Variants in USP40 observed in about 807,000 individuals in gnomAD.
USP40 encodes the protein ubiquitin specific peptidase 40, also known as ubiquitin carboxyl-terminal hydrolase 40.
A neutral mutation model predicts 166.2 loss-of-function variants in USP40; 143 were observed. The ratio of observed to expected loss-of-function variants is 0.86; its 90% CI spans 0.75 to 0.99. USP40 has a LOEUF of 0.99. Among genes scored for constraint, USP40 ranks in the 50% least tolerant of loss-of-function variants. The probability of loss-of-function intolerance (pLI) is 0.00; values close to 1 mark genes in which losing one functional copy is unlikely to be tolerated. For missense variants in USP40, 1,444 were observed against 1,479.7 expected (o/e 0.98, Z 0.40); for synonymous variants, 498 against 524.0 (o/e 0.95, Z 0.68).
intron 31 of USP40, among the ~76,000 whole-genome samples, chr2:233,479,524 C>T (rs895696865): frequency 6.6e-6 from 1 of 150,760 alleles, no homozygotes; most frequent in African/African-American, 2.5e-5. Context: ...GATCGTGCCA[C>T]TGCACTCCAG....
Position 233,549,145 on chromosome 2 carries a change from C to T in USP40, c.922G>A (p.Val308Ile). ...KGGCYGGHYH[V>I]YIKDVDHLGN... The stretch of plus-strand genomic sequence containing the variant: ...AAATGATCAACATCTTTAATATATA[C>T]ATGGTAATGGCCTCCGTAGCAGCCA... Residue 308 changes from valine to isoleucine, a missense_variant, in exon 8 of 32, where the codon GTA becomes ATA. Transcript: ENST00000678225. 6.2e-7 allele frequency: 1 copy of T among 1,602,450 alleles called. No homozygotes were observed. The highest frequency in any genetic ancestry group is 8.5e-7 in the Non-Finnish European group (1 of 1,173,580).
At chr2:233,521,787 C>T (rs1203807828) in intron 16 of USP40, among the ~76,000 whole-genome samples, 1 of 152,126 alleles carries the variant, frequency 6.6e-6, no homozygotes, top group Non-Finnish European at 1.5e-5. Flanking sequence ...CTACCTTAAG[C>T]TAGCAATCCC....
chr2:233,562,646 C>T, intron 3 of USP40, 90 bp downstream of exon 3: 2 of 944,642 alleles, frequency 2.1e-6, no homozygotes, highest in Non-Finnish European at 2.9e-6. Flanking sequence ...AGCGCACCAG[C>T]ATGGCACATG....
At chr2:233,498,994 C>T (rs998070564) in intron 22 of USP40, among the ~76,000 whole-genome samples, 23 of 152,042 alleles carry the variant, frequency 1.5e-4, no homozygotes, top group African/African-American at 2.7e-4. Flanking sequence ...TACATCTTAG[C>T]GTTCTTTTTA....
rs2065479607 is a variant in USP40, at chr2:233,493,480, G to C, written c.2862C>G (p.Asp954Glu). 1.2e-6 allele frequency: 2 copies of C among 1,613,922 alleles called. No individual in the cohort carries two copies. The highest frequency in any genetic ancestry group is 1.7e-6 in the Non-Finnish European group (2 of 1,179,864). Residue 954 changes from aspartate (D) to glutamate (E), a missense_variant, in exon 25 of 32, where the codon GAC becomes GAG. Coordinates refer to ENST00000678225, the MANE Select transcript of USP40 (RefSeq NM_001365479.2). This position sits in a 1 kb window ranked among gnomAD's most constrained non-coding sequence, Gnocchi z 4.7. ...GPSGHWESHQ[D>E]QTNCTSSWGR... is the part of the protein sequence containing the mutation. ...CCCAAGACGAAGTACAGTTGGTCTG[G>C]TCCTGATGACTCTCCCAGTGTCCTG... is the stretch of plus-strand genomic sequence containing the variant.
At chr2:233,522,551 A>G (rs2067730125) in intron 16 of USP40, among the ~76,000 whole-genome samples, 1 of 152,234 alleles carries the variant, frequency 6.6e-6, no homozygotes, top group Non-Finnish European at 1.5e-5. Flanking sequence ...GAAGTCTTCA[A>G]TATATGGAAA....
intron 5 of USP40, among the ~76,000 whole-genome samples, chr2:233,556,359 C>T (rs2071099094): frequency 6.6e-6 from 1 of 152,034 alleles, no homozygotes; most frequent in Non-Finnish European, 1.5e-5. Flanking sequence ...TACTAATTAA[C>T]ATAGGATTAC....
rs913415772 is a variant in USP40, at chr2:233,475,771, A to ATAT, written c.*1618_*1620dup. 10 of 152,388 alleles carry ATAT rather than the reference A, an allele frequency of 6.6e-5. No individual in the cohort carries two copies. The highest frequency in any genetic ancestry group is 2.4e-4 in the African/African-American group (10 of 41,462). The allele number at this position is 152,388 out of a possible 1,614,324, so 9.4% of individuals were successfully genotyped here. A position where few individuals can be genotyped will look rare whatever the true frequency, so the allele number is the denominator to read the frequency against. On this transcript the variant is annotated 3_prime_UTR_variant, in exon 32 of 32. Coordinates refer to ENST00000678225, the MANE Select transcript of USP40 (RefSeq NM_001365479.2). ...GCAAAGCTTTTCAGCGATTTCATTA[A>ATAT]TATTTCATTACGCTGAGATGAGATG...
chr2:233,503,078 T>C (rs538733391), intron 21 of USP40, among the ~76,000 whole-genome samples: 24 of 152,152 alleles, frequency 1.6e-4, no homozygotes, highest in Admixed American at 2.6e-4. Flanking sequence ...AAAACAATGA[T>C]CTTAAGGAAA....
intron 30 of USP40, among the ~76,000 whole-genome samples, chr2:233,482,695 ATCC>A (rs1236725933): frequency 6.6e-6 from 1 of 150,662 alleles, no homozygotes; most frequent in Non-Finnish European, 1.5e-5. Flanking sequence ...GGGTCAAGTG[ATCC>A]TCCTGCCTTA....
At chr2:233,523,588 T>C in intron 15 of USP40, 99 bp from the exon 16 acceptor site, 1 of 1,163,792 alleles carries the variant, frequency 8.6e-7, no homozygotes, top group Non-Finnish European at 1.2e-6. Context: ...ACCCTCATTT[T>C]TTCCAAGTAA....
At chr2:233,517,866 T>C (rs1199144089) in intron 18 of USP40, among the ~76,000 whole-genome samples, 1 of 151,698 alleles carries the variant, frequency 6.6e-6, no homozygotes, top group Non-Finnish European at 1.5e-5. Flanking sequence ...AATGAATTAA[T>C]GGCATTTGCC....
intron 6 of USP40, among the ~76,000 whole-genome samples, chr2:233,553,288 TCA>T (rs997543568): frequency 3.3e-5 from 5 of 152,030 alleles, no homozygotes; most frequent in Non-Finnish European, 2.9e-5. Context: ...TAGTGAGAAA[TCA>T]CAGAGAATTG....
rs1280375005 is a variant in USP40, at chr2:233,491,157, G to C, written c.3012+10C>G. ...TTACCACTAAGTTATGGTGCAGGAA[G>C]AAGTCTGACCTGAGACTTCAGCTCC... On this transcript the variant is annotated intron_variant, in intron 26 of 31. Coordinates refer to ENST00000678225, the MANE Select transcript of USP40 (RefSeq NM_001365479.2). The C allele has an allele frequency of 1.6e-5, 26 of 1,587,322 alleles. No individual in the cohort carries two copies. Among genetic ancestry groups the C allele is most frequent in the Non-Finnish European group, 2.1e-5 (24 of 1,161,550 alleles).
chr2:233,554,236 A>T (rs529879762), intron 6 of USP40, 144 bp downstream of exon 6: 1 of 908,784 alleles, frequency 1.1e-6, no homozygotes, highest in African/African-American at 1.7e-5. Context: ...ATTGTAAAAA[A>T]TTAAAATACA....
chr2:233,555,101 G>A (rs896985329), intron 5 of USP40, among the ~76,000 whole-genome samples: 2 of 152,210 alleles, frequency 1.3e-5, no homozygotes, highest in African/African-American at 4.8e-5. Context: ...GCTGAGGCAG[G>A]AGAATTGCTT....
chr2:233,528,271 G>A (rs967635325), intron 12 of USP40, among the ~76,000 whole-genome samples: 1 of 152,076 alleles, frequency 6.6e-6, no homozygotes, highest in Non-Finnish European at 1.5e-5. Context: ...GAGCCACTGC[G>A]ACCGGCCCCA....
chr2:233,503,607 A>G (rs548026792), intron 21 of USP40, among the ~76,000 whole-genome samples: 2 of 150,910 alleles, frequency 1.3e-5, no homozygotes, highest in East Asian at 3.9e-4. Context: ...TGCAGGCCAG[A>G]AGAAAATGGG....
intron 18 of USP40, among the ~76,000 whole-genome samples, chr2:233,514,662 C>A (rs1181648382): frequency 6.6e-6 from 1 of 152,138 alleles, no homozygotes; most frequent in African/African-American, 2.4e-5. Context: ...TGACGATGAT[C>A]AAATGGTTTG....
Sources: gnomAD v4.1 joint callset for allele counts (sites outside exome capture counted in the v4.1 genomes callset) on GRCh38, gnomAD v4.1.1 for gene constraint, Gnocchi (gnomAD v3.1) non-coding constraint, MANE v1.5 for transcripts, NCBI Gene and HGNC (gene_info 2026-07-23, HGNC 2026-07-21) for gene names.